The following NTM variants were observed in gnomAD, a reference collection of about 807,000 sequenced individuals.
The protein encoded by NTM is IgLON family member 2.
A neutral mutation model predicts 42.1 loss-of-function variants in NTM; 13 were observed. The observed-to-expected ratio is 0.31, with a 90% confidence interval of 0.20 to 0.49. The LOEUF (loss-of-function observed/expected upper bound fraction) is 0.49, where lower values mean the gene tolerates loss of function less well. Among genes scored for constraint, NTM ranks in the 20% least tolerant of loss-of-function variants. The pLI is 0.99. For synonymous variants in NTM, 187 were observed against 179.2 expected (o/e 1.04, Z -0.35); for missense variants, 373 against 452.8 (o/e 0.82, Z 1.60).
intron 1 of NTM, among the ~76,000 whole-genome samples, chr11:131,854,779 A>T (rs1213625271): frequency 6.6e-6 from 1 of 152,232 alleles, no homozygotes; most frequent in Non-Finnish European, 1.5e-5. Context: ...TGAAATTAAA[A>T]GGGGCACTCT....
intron 7 of NTM, among the ~76,000 whole-genome samples, chr11:132,317,228 G>A (rs758944240): frequency 5.3e-5 from 8 of 152,164 alleles, no homozygotes; most frequent in African/African-American, 1.2e-4. Context: ...TGGGGAGCTC[G>A]TTCGTTCCTA....
At chr11:132,300,621 C>G (rs572062436) in intron 4 of NTM, among the ~76,000 whole-genome samples, 2 of 152,356 alleles carry the variant, frequency 1.3e-5, no homozygotes, top group African/African-American at 4.8e-5. Context: ...CTTTTTAACA[C>G]TGATGGTTTC....
chr11:132,312,000 C>T (rs548514221), intron 6 of NTM, among the ~76,000 whole-genome samples: 2 of 152,210 alleles, frequency 1.3e-5, no homozygotes, highest in South Asian at 4.1e-4. Flanking sequence ...CTTCTGATGG[C>T]CTCTCCTTTT....
intron 1 of NTM, among the ~76,000 whole-genome samples, chr11:131,598,539 C>T (rs1286982983): frequency 1.3e-5 from 2 of 152,206 alleles, no homozygotes; most frequent in Admixed American, 1.3e-4. Context: ...CATGTGTGCA[C>T]TCGGGGCGGA....
chr11:131,854,418 C>A (rs1350047618), intron 1 of NTM, among the ~76,000 whole-genome samples: 1 of 152,216 alleles, frequency 6.6e-6, no homozygotes, highest in East Asian at 1.9e-4. Context: ...CTGGGGAATT[C>A]GCATGGTGTA....
At chr11:131,866,331 C>T (rs2047211012) in intron 1 of NTM, among the ~76,000 whole-genome samples, 1 of 152,224 alleles carries the variant, frequency 6.6e-6, no homozygotes, top group Non-Finnish European at 1.5e-5. Flanking sequence ...TGGGGCTGTC[C>T]CCCTCAATGG....
chr11:131,543,788 G>A (rs973053742), intron 1 of NTM, among the ~76,000 whole-genome samples: 2 of 152,194 alleles, frequency 1.3e-5, no homozygotes, highest in African/African-American at 4.8e-5. Flanking sequence ...TGGTAAACGA[G>A]TCCCAGTCTA....
chr11:132,323,389 T>G (rs369811262), intron 7 of NTM, among the ~76,000 whole-genome samples: 1 of 151,868 alleles, frequency 6.6e-6, no homozygotes, highest in Non-Finnish European at 1.5e-5. Flanking sequence ...CAGAGAATAC[T>G]ACAAACACCT....
intron 2 of NTM, among the ~76,000 whole-genome samples, chr11:131,948,535 A>G (rs2060625596): frequency 6.6e-6 from 1 of 152,142 alleles, no homozygotes; most frequent in African/African-American, 2.4e-5. Flanking sequence ...TGTTCCTCAA[A>G]GCTGACCTGC....
chr11:132,190,578 C>T (rs576265820), intron 3 of NTM, among the ~76,000 whole-genome samples: 1 of 151,754 alleles, frequency 6.6e-6, no homozygotes, highest in East Asian at 1.9e-4. Context: ...TCTACTAAAA[C>T]CTACAAAAAT....
At chr11:132,204,239 A>C (rs2081604184) in intron 3 of NTM, among the ~76,000 whole-genome samples, 1 of 152,250 alleles carries the variant, frequency 6.6e-6, no homozygotes. Context: ...GGTAATTATC[A>C]ACATCATTAT....
intron 8 of NTM, among the ~76,000 whole-genome samples, chr11:132,333,076 C>G (rs1235103959): frequency 1.3e-5 from 2 of 152,124 alleles, no homozygotes; most frequent in African/African-American, 2.4e-5. Flanking sequence ...GTGTCCCCTG[C>G]CGGGAGTTAA....
intron 1 of NTM, among the ~76,000 whole-genome samples, chr11:131,898,150 T>C (rs2052590120): frequency 6.6e-6 from 1 of 152,210 alleles, no homozygotes; most frequent in South Asian, 2.1e-4. Flanking sequence ...AGAATGACTG[T>C]GCTCGAAATG....
intron 1 of NTM, among the ~76,000 whole-genome samples, chr11:131,860,141 G>A (rs1035772231): frequency 2.6e-5 from 4 of 152,176 alleles, no homozygotes; most frequent in Non-Finnish European, 4.4e-5. Flanking sequence ...GCAGGTGTGA[G>A]GTTTAGAATT....
At chr11:131,815,355 C>A (rs2092909666) in intron 1 of NTM, among the ~76,000 whole-genome samples, 1 of 152,136 alleles carries the variant, frequency 6.6e-6, no homozygotes, top group Admixed American at 6.5e-5. Flanking sequence ...AGCTTCCCCA[C>A]CCTCCATCCC....
chr11:132,150,501 TTC>T (rs2071643976), intron 3 of NTM, among the ~76,000 whole-genome samples: 1 of 152,180 alleles, frequency 6.6e-6, no homozygotes, highest in African/African-American at 2.4e-5. Flanking sequence ...TAGAATGGCT[TTC>T]CATGGCTTGA....
At chr11:131,685,769 A>C (rs944711701) in intron 1 of NTM, among the ~76,000 whole-genome samples, 4 of 152,218 alleles carry the variant, frequency 2.6e-5, no homozygotes, top group African/African-American at 9.6e-5. Flanking sequence ...CTACCTCCAC[A>C]AAAATAGAAG....
intron 1 of NTM, chr11:131,385,422 C>T (rs1943194088): frequency 6.6e-6 from 1 of 152,114 alleles, no homozygotes; most frequent in African/African-American, 2.4e-5. Flanking sequence ...CAACTTCACA[C>T]CCATTAGGAT....
At chr11:131,878,547 G>A (rs1297756204) in intron 1 of NTM, among the ~76,000 whole-genome samples, 2 of 121,246 alleles carry the variant, frequency 1.6e-5, no homozygotes, top group East Asian at 2.4e-4. Flanking sequence ...TCCAGCCTAG[G>A]TGACAGAGGG....
Sources: allele counts gnomAD v4.1 joint callset (sites outside exome capture counted in the v4.1 genomes callset), GRCh38; gene constraint gnomAD v4.1.1; transcripts MANE v1.5; gene names NCBI Gene and HGNC (gene_info 2026-07-23, HGNC 2026-07-21).